The following SLC9A9 variants were observed in gnomAD, a reference collection of about 807,000 sequenced individuals.
The protein encoded by SLC9A9 is solute carrier family 9 member A9, also known as sodium/hydrogen exchanger 9.
Under a neutral mutation model 77.8 loss-of-function variants are expected in SLC9A9, and 62 were observed. The observed-to-expected ratio is 0.80, with a 90% CI of 0.65 to 0.98. SLC9A9 has a LOEUF of 0.98. Among genes scored for constraint, SLC9A9 ranks in the 50% least tolerant of loss-of-function variants. SLC9A9 has a pLI of 0.00. For synonymous variants in SLC9A9, 320 were observed against 283.5 expected (o/e 1.13, Z -1.29); for missense variants, 775 against 774.9 (o/e 1.00, Z 0.00).
intron 4 of SLC9A9, among the ~76,000 whole-genome samples, chr3:143,766,164 C>T (rs1281257773): frequency 1.3e-5 from 2 of 152,144 alleles, no homozygotes; most frequent in Non-Finnish European, 2.9e-5. Flanking sequence ...CAATAGATAC[C>T]TGATAGATGA....
At chr3:143,375,718 T>C (rs75225571) in intron 13 of SLC9A9, among the ~76,000 whole-genome samples, 1,840 of 152,318 alleles carry the variant, frequency 0.012, 83 homozygotes, top group East Asian at 0.09. Flanking sequence ...AAGTCCACTA[T>C]AGAACAACTG....
intron 14 of SLC9A9, among the ~76,000 whole-genome samples, chr3:143,276,017 A>G (rs768940234): frequency 1.3e-5 from 2 of 152,102 alleles, no homozygotes; most frequent in African/African-American, 2.4e-5. Context: ...TTCCCTCCCC[A>G]GCTGATCTAG....
chr3:143,621,798 C>T (rs2038217932), intron 6 of SLC9A9, among the ~76,000 whole-genome samples: 1 of 152,124 alleles, frequency 6.6e-6, no homozygotes, highest in Admixed American at 6.5e-5. Flanking sequence ...AAGAAGGCTT[C>T]AGACGATCAA....
intron 6 of SLC9A9, among the ~76,000 whole-genome samples, chr3:143,583,031 T>C (rs998866547): frequency 6.6e-6 from 1 of 152,080 alleles, no homozygotes; most frequent in African/African-American, 2.4e-5. Flanking sequence ...TACTTGCCTG[T>C]AGTCCCGGCT....
chr3:143,393,228 G>T (rs2033614915), intron 12 of SLC9A9, among the ~76,000 whole-genome samples: 2 of 152,158 alleles, frequency 1.3e-5, no homozygotes, highest in Non-Finnish European at 2.9e-5. Flanking sequence ...TAAAAGAACA[G>T]AAATTATAAC....
At chr3:143,597,003 T>G (rs2037763415) in intron 6 of SLC9A9, among the ~76,000 whole-genome samples, 1 of 152,182 alleles carries the variant, frequency 6.6e-6, no homozygotes, top group Non-Finnish European at 1.5e-5. Flanking sequence ...GTAAATCTTT[T>G]TTTTTCTTCT....
intron 12 of SLC9A9, among the ~76,000 whole-genome samples, chr3:143,436,940 C>T (rs1223428750): frequency 6.6e-6 from 1 of 152,234 alleles, no homozygotes; most frequent in East Asian, 1.9e-4. Context: ...GGCCTTCCCT[C>T]ACTCCCTGGA....
intron 11 of SLC9A9, among the ~76,000 whole-genome samples, chr3:143,487,293 T>C (rs2035668908): frequency 6.6e-6 from 1 of 151,878 alleles, no homozygotes; most frequent in Non-Finnish European, 1.5e-5. Context: ...ACTGACAAAA[T>C]TTAATGGAGA....
intron 12 of SLC9A9, among the ~76,000 whole-genome samples, chr3:143,396,509 G>C (rs925622882): frequency 6.6e-6 from 1 of 152,090 alleles, no homozygotes; most frequent in African/African-American, 2.4e-5. Context: ...GAGTTAATGG[G>C]TGCAGCACAC....
intron 3 of SLC9A9, among the ~76,000 whole-genome samples, 160 bp from the exon 4 acceptor site, chr3:143,795,237 A>G (rs748731508): frequency 6.7e-6 from 1 of 149,914 alleles, no homozygotes; most frequent in Non-Finnish European, 1.5e-5. Flanking sequence ...TAGGGACTTA[A>G]CTGATTATCA....
intron 12 of SLC9A9, among the ~76,000 whole-genome samples, chr3:143,443,889 T>C (rs905124847): frequency 6.6e-6 from 1 of 152,202 alleles, no homozygotes; most frequent in Non-Finnish European, 1.5e-5. Flanking sequence ...GTTCTTAACC[T>C]GAGTCATGTT....
intron 4 of SLC9A9, among the ~76,000 whole-genome samples, chr3:143,739,795 C>T (rs933451686): frequency 2.0e-5 from 3 of 152,220 alleles, no homozygotes; most frequent in African/African-American, 4.8e-5. Context: ...CCCACAGCTT[C>T]AGTATCTCCT....
chr3:143,580,963 G>T (rs899233884), intron 6 of SLC9A9, among the ~76,000 whole-genome samples: 6 of 152,162 alleles, frequency 3.9e-5, no homozygotes, highest in Non-Finnish European at 5.9e-5. Context: ...AGGGAAGCAG[G>T]ATTTGATCCA....
Position 143,266,893 on chromosome 3 carries a change from T to A in SLC9A9, c.1747A>T (p.Asn583Tyr), listed in dbSNP as rs1237929205. The change falls in exon 16 of 16, where the codon AAC (asparagine) becomes TAC (tyrosine). Residue 583 changes from asparagine to tyrosine, a missense_variant. Coordinates refer to ENST00000316549, the MANE Select transcript of SLC9A9 (RefSeq NM_173653.4). Reference protein sequence around the residue: ...LKEDDVECIVNQDELAINYQE... With the variant: ...LKEDDVECIVYQDELAINYQE... ...TAATTTATGGCTAGTTCATCCTGGT[T>A]TACAATGCATTCCACATCATCCTCT... 6.2e-7 allele frequency: 1 copy of A among 1,614,088 alleles called. No homozygotes were observed.
intron 4 of SLC9A9, among the ~76,000 whole-genome samples, chr3:143,788,856 A>C (rs2008135627): frequency 6.6e-6 from 1 of 152,108 alleles, no homozygotes; most frequent in Non-Finnish European, 1.5e-5. Flanking sequence ...AAATTAATGA[A>C]AATATGACAA....
chr3:143,446,787 T>C (rs1422731664), intron 12 of SLC9A9, among the ~76,000 whole-genome samples: 1 of 152,146 alleles, frequency 6.6e-6, no homozygotes, highest in African/African-American at 2.4e-5. Context: ...TGACTCTTAG[T>C]GTGAGGCATG....
In SLC9A9 at chr3:143,267,226, A is replaced by G. The variant is rs1439951348; in HGVS notation, c.1711-297T>C. Among the ~76,000 whole-genome samples the G allele has an allele frequency of 3.3e-5, 5 of 152,002 alleles. No individual in the cohort carries two copies. In the East Asian group the frequency reaches 7.7e-4, roughly 23 times the overall value. On this transcript the variant is annotated intron_variant, in intron 15 of 15. Coordinates refer to ENST00000316549, the MANE Select transcript of SLC9A9 (RefSeq NM_173653.4). The stretch of plus-strand genomic sequence containing the variant: ...GATGTTTCCACCACTGGTATTAACT[A>G]GGGTTGACAGGAATTAGGAGTTAGC...
chr3:143,722,437 C>G (rs1934527815), intron 4 of SLC9A9, among the ~76,000 whole-genome samples: 1 of 136,078 alleles, frequency 7.3e-6, no homozygotes, highest in South Asian at 2.4e-4. Context: ...CAGGCCACTG[C>G]ACTCCAGCCT....
rs1559844517 is a variant in SLC9A9, at chr3:143,266,165, CG to C, written c.*536del. On this transcript the variant is annotated 3_prime_UTR_variant, in exon 16 of 16. Coordinates refer to ENST00000316549, the MANE Select transcript of SLC9A9 (RefSeq NM_173653.4). ...TCTGGGAAACCATCAGCAGTGGGTA[CG>C]GAACACTTCTCTGGGCTCTGCCCTG... 2 of 700,486 alleles carry C rather than the reference CG, an allele frequency of 2.9e-6. No homozygotes were observed. Among genetic ancestry groups the C allele is most frequent in the Admixed American group, 2.0e-5 (1 of 49,902 alleles). The allele number at this position is 700,486 out of a possible 1,614,324, so 43.4% of individuals were successfully genotyped here. A position where few individuals can be genotyped will look rare whatever the true frequency, so the allele number is the denominator to read the frequency against.
Sources: gnomAD v4.1 joint callset for allele counts (sites outside exome capture counted in the v4.1 genomes callset) on GRCh38, gnomAD v4.1.1 for gene constraint, MANE v1.5 for transcripts, NCBI Gene and HGNC (gene_info 2026-07-23, HGNC 2026-07-21) for gene names.